OTUD7A: variants seen among roughly 807,000 people sequenced by gnomAD.
OTUD7A encodes OTU deubiquitinase 7A, also known as OTU domain-containing protein 7A.
In OTUD7A, 12 loss-of-function variants were observed where a neutral mutation model predicts 65.7. That is an observed-to-expected ratio of 0.18 (90% CI 0.12 to 0.30). OTUD7A has a LOEUF of 0.30. OTUD7A is among the 10% of genes least tolerant of loss of function. OTUD7A has a pLI of 1.00. For missense variants in OTUD7A, 1,148 were observed against 1,304.8 expected (o/e 0.88, Z 1.85); for synonymous variants, 641 against 586.3 (o/e 1.09, Z -1.35).
chr15:31,592,351 CT>C (rs1889751368), intron 3 of OTUD7A, among the ~76,000 whole-genome samples: 1 of 151,820 alleles, frequency 6.6e-6, no homozygotes, highest in Non-Finnish European at 1.5e-5. Context: ...TATTTTCTTT[CT>C]TTATATCCTT....
At chr15:31,829,326 C>G (rs1476131499) in intron 1 of OTUD7A, among the ~76,000 whole-genome samples, 1 of 152,180 alleles carries the variant, frequency 6.6e-6, no homozygotes, top group Non-Finnish European at 1.5e-5. Flanking sequence ...GGAACAGGTT[C>G]CAGACAGGGA....
intron 3 of OTUD7A, among the ~76,000 whole-genome samples, chr15:31,606,300 G>A (rs1330597831): frequency 6.6e-6 from 1 of 152,200 alleles, no homozygotes; most frequent in Admixed American, 6.5e-5. Context: ...AGGGAGAGAC[G>A]AAGTGGTGCA....
intron 3 of OTUD7A, among the ~76,000 whole-genome samples, chr15:31,586,318 A>G (rs1889535193): frequency 6.6e-6 from 1 of 152,232 alleles, no homozygotes; most frequent in Non-Finnish European, 1.5e-5. Context: ...AATTCCATAC[A>G]TACAGTGTGA....
At chr15:31,813,260 T>C (rs1202190862) in intron 1 of OTUD7A, among the ~76,000 whole-genome samples, 4 of 137,070 alleles carry the variant, frequency 2.9e-5, no homozygotes, top group Non-Finnish European at 4.8e-5. Context: ...CCTGGGTCCA[T>C]GGATCAGGCA....
chr15:31,806,493 A>G (rs1896273142), intron 1 of OTUD7A, among the ~76,000 whole-genome samples: 1 of 152,226 alleles, frequency 6.6e-6, no homozygotes, highest in African/African-American at 2.4e-5. Context: ...TTCTGTCATT[A>G]AAAAGGCCTG....
At chr15:31,808,136 C>CACACACACACAAAAAAAAAA (rs772574742) in intron 1 of OTUD7A, among the ~76,000 whole-genome samples, 2 of 119,414 alleles carry the variant, frequency 1.7e-5, no homozygotes, top group East Asian at 2.4e-4. Flanking sequence ...CACACACACA[C>CACACACACACAAAAAAAAAA]AAACAAATCC....
intron 1 of OTUD7A, among the ~76,000 whole-genome samples, chr15:31,783,053 G>C (rs549678304): frequency 1.3e-5 from 2 of 152,250 alleles, no homozygotes; most frequent in East Asian, 3.9e-4. Flanking sequence ...TGCATTTAAA[G>C]GTCAGATAGA....
At chr15:31,821,133 C>CAT (rs769690334) in intron 1 of OTUD7A, among the ~76,000 whole-genome samples, 2 of 97,466 alleles carry the variant, frequency 2.1e-5, no homozygotes, top group African/African-American at 4.2e-5. Flanking sequence ...TTTTTCATTT[C>CAT]TTTTTTTTTT....
intron 3 of OTUD7A, among the ~76,000 whole-genome samples, chr15:31,603,774 G>A (rs1292791476): frequency 1.3e-5 from 2 of 152,098 alleles, no homozygotes; most frequent in Admixed American, 6.5e-5. Context: ...CCACCAAAAA[G>A]TGGGCAAATT....
At chr15:31,857,790 G>T (rs1369889160) in intron 1 of OTUD7A, among the ~76,000 whole-genome samples, 2 of 152,258 alleles carry the variant, frequency 1.3e-5, no homozygotes, top group South Asian at 4.1e-4. Context: ...TCTTAGTAAT[G>T]TCTACTTTGG....
intron 1 of OTUD7A, among the ~76,000 whole-genome samples, chr15:31,811,917 G>A (rs890723430): frequency 1.1e-4 from 17 of 152,284 alleles, no homozygotes; most frequent in East Asian, 1.9e-4. Flanking sequence ...TCTGCACAGC[G>A]GGAGGGGTCA....
rs1250031637 is a variant in OTUD7A, at chr15:31,483,839, C to A, written c.2257G>T (p.Gly753Trp). ...GCGCTCGCACGCCGCGCGCCTCCCCCCGGGGAGGCCGTGCCGCCCGCCGCC... is the reference window on the plus strand; with the variant it reads ...GCGCTCGCACGCCGCGCGCCTCCCCACGGGGAGGCCGTGCCGCCCGCCGCC... ...RAAAGGTASP[G>W]GGARRASASG... Residue 753 changes from glycine to tryptophan, a missense_variant, in exon 13 of 13, where the codon GGG becomes TGG. By Grantham distance (184) the Gly-to-Trp change is radical. Around this residue, in one of 6 missense-constraint regions of OTUD7A, gnomAD observed 842 missense variants for 769.5 expected, o/e 1.09. Coordinates refer to ENST00000307050, the MANE Select transcript of OTUD7A (RefSeq NM_001382637.1). 20 of 984,374 alleles carry A rather than the reference C, an allele frequency of 2.0e-5. No individual in the cohort carries two copies. Among genetic ancestry groups the A allele is most frequent in the Non-Finnish European group, 2.2e-5 (18 of 830,562 alleles). The allele number at this position is 984,374 out of a possible 1,614,324, so 61.0% of individuals were successfully genotyped here.
intron 3 of OTUD7A, among the ~76,000 whole-genome samples, chr15:31,635,422 A>G (rs1438903146): frequency 2.0e-5 from 3 of 152,122 alleles, no homozygotes; most frequent in Admixed American, 1.3e-4. Context: ...AGCAAATAAT[A>G]TTTCCTGCCT....
intron 1 of OTUD7A, among the ~76,000 whole-genome samples, chr15:31,774,732 TG>T (rs1459251792): frequency 1.3e-5 from 2 of 152,222 alleles, no homozygotes; most frequent in Non-Finnish European, 2.9e-5. Flanking sequence ...CCCAGTTGTC[TG>T]GGAAATACTA....
chr15:31,771,678 A>G (rs995877283), intron 1 of OTUD7A, among the ~76,000 whole-genome samples: 4 of 152,170 alleles, frequency 2.6e-5, no homozygotes, highest in Non-Finnish European at 4.4e-5. Context: ...CCCTGACCCC[A>G]GCCTCCTGGC....
chr15:31,646,451 T>G (rs1386292122), intron 3 of OTUD7A, among the ~76,000 whole-genome samples: 1 of 148,146 alleles, frequency 6.8e-6, no homozygotes, highest in Non-Finnish European at 1.5e-5. Flanking sequence ...CCTTCTTTCT[T>G]TTTCTTTCTT....
chr15:31,564,541 T>C (rs1214932108), intron 4 of OTUD7A, among the ~76,000 whole-genome samples: 1 of 152,150 alleles, frequency 6.6e-6, no homozygotes, highest in Admixed American at 6.5e-5. Context: ...TTAATACATG[T>C]ATTTTGCAGG....
At position 31,487,253 on chromosome 15, in the gene OTUD7A, G is replaced by C; in HGVS notation, c.1312C>G (p.Leu438Val). The C allele has an allele frequency of 1.9e-6, 3 of 1,614,132 alleles. No homozygotes were observed. Among genetic ancestry groups the C allele is most frequent in the Non-Finnish European group, 2.5e-6 (3 of 1,180,004 alleles). The change falls in exon 12 of 13, where the codon CTG (leucine) becomes GTG (valine). Residue 438 changes from leucine (L) to valine (V), a missense_variant. By Grantham distance (32) the Leu-to-Val change is conservative. Coordinates refer to ENST00000307050, the MANE Select transcript of OTUD7A (RefSeq NM_001382637.1). This position sits in a 1 kb window ranked among gnomAD's most constrained non-coding sequence, Gnocchi z 6.0. Reference protein sequence around the residue: ...AHLILSLEAKLNLLHSYMNVT... With the variant: ...AHLILSLEAKVNLLHSYMNVT... ...TTCATGTAGCTGTGCAGAAGGTTCA[G>C]CTTGGCTTCTAGCGACAGGATAAGG...
chr15:31,542,279 G>A (rs1196362902), intron 5 of OTUD7A, among the ~76,000 whole-genome samples: 3 of 151,954 alleles, frequency 2.0e-5, no homozygotes, highest in Non-Finnish European at 4.4e-5. Context: ...AAACAAGCAT[G>A]TTAAAAATGT....
Sources: allele counts gnomAD v4.1 joint callset (sites outside exome capture counted in the v4.1 genomes callset), GRCh38; gene constraint gnomAD v4.1.1; regional missense constraint gnomAD v4.1.1; non-coding constraint Gnocchi (gnomAD v3.1); transcripts MANE v1.5; gene names NCBI Gene and HGNC (gene_info 2026-07-23, HGNC 2026-07-21).